The following ERN1 variants were observed in gnomAD, a reference collection of about 807,000 sequenced individuals.
ERN1 encodes serine/threonine-protein kinase/endoribonuclease IRE1.
ERN1 carries 39 observed loss-of-function variants against 113.1 expected under a neutral mutation model. That is an observed-to-expected ratio of 0.34 (90% CI 0.27 to 0.45). The LOEUF (loss-of-function observed/expected upper bound fraction) is 0.45, where lower values mean the gene tolerates loss of function less well. ERN1 is among the 20% of genes least tolerant of loss of function. ERN1 has a pLI of 1.00. For synonymous variants in ERN1, 507 were observed against 515.9 expected (o/e 0.98, Z 0.23); for missense variants, 976 against 1,274.8 (o/e 0.77, Z 3.57).
At chr17:64,107,726 T>C (rs1914568055) in intron 1 of ERN1, among the ~76,000 whole-genome samples, 2 of 152,260 alleles carry the variant, frequency 1.3e-5, no homozygotes, top group African/African-American at 4.8e-5. Context: ...TACAGCCACC[T>C]GAACAGTGAG....
At chr17:64,124,612 C>A (rs1372513643) in intron 1 of ERN1, among the ~76,000 whole-genome samples, 1 of 152,204 alleles carries the variant, frequency 6.6e-6, no homozygotes, top group Non-Finnish European at 1.5e-5. Flanking sequence ...CTCCTCCTTA[C>A]CTTTTTTCAT....
chr17:64,090,492 A>T (rs1914058143), intron 2 of ERN1, among the ~76,000 whole-genome samples: 1 of 152,228 alleles, frequency 6.6e-6, no homozygotes, highest in African/African-American at 2.4e-5. Context: ...GCCTCTCAGG[A>T]TGTCATAACT....
intron 10 of ERN1, among the ~76,000 whole-genome samples, chr17:64,062,245 G>A (rs187841807): frequency 2.6e-4 from 40 of 152,388 alleles, no homozygotes; most frequent in Admixed American, 1.2e-3. Flanking sequence ...CCCAAGGTCA[G>A]GGCCATGGCT....
chr17:64,114,115 A>C (rs1192541057), intron 1 of ERN1, among the ~76,000 whole-genome samples: 2 of 151,860 alleles, frequency 1.3e-5, no homozygotes, highest in African/African-American at 4.8e-5. Flanking sequence ...TTGAGTCAAC[A>C]TAAGTAAAGC....
At chr17:64,129,180 T>C (rs932941063) in intron 1 of ERN1, 6 of 152,018 alleles carry the variant, frequency 3.9e-5, no homozygotes, top group African/African-American at 7.3e-5. Context: ...GTTAAATGAA[T>C]GTAAACCAGG....
At chr17:64,129,707 G>C in intron 1 of ERN1, 1 of 378,450 alleles carries the variant, frequency 2.6e-6, no homozygotes, top group Middle Eastern at 6.9e-4. Context: ...GGGGTCCGGG[G>C]AGCCGCTGCC....
Position 64,040,169 on chromosome 17 carries a change from A to C in ERN1, c.*3819T>G, listed in dbSNP as rs980639974. On this transcript the variant is annotated 3_prime_UTR_variant, in exon 22 of 22. Coordinates refer to ENST00000433197, the MANE Select transcript of ERN1 (RefSeq NM_001433.5). ...AAAGAAACACTGGGAAATTCAAAGA[A>C]AGGCAATCTCAGACACTAAAAGAGC... The C allele has an allele frequency of 6.6e-5, 10 of 152,356 alleles. No individual in the cohort carries two copies. Among genetic ancestry groups the C allele is most frequent in the African/African-American group, 2.4e-4 (10 of 41,462 alleles). 9.4% of individuals were successfully genotyped at this position (152,356 alleles called of 1,614,324 possible).
Position 64,055,738 on chromosome 17 carries a change from G to C in ERN1, c.1609C>G (p.Leu537Val). ...STSPRASNHS[L>V]CSGSSASKAG... ...TTGGAGGCAGAGCTGCCGGAGCAGA[G>C]CGAGTGGTTGGAGGCCCTGGGGGAC... The change falls in exon 13 of 22, where the codon CTC (leucine) becomes GTC (valine). Residue 537 changes from leucine to valine, a missense_variant. Physicochemically the swap from Leu to Val is conservative, Grantham distance 32. This residue lies in a region of ERN1 where 112 missense variants were observed against 106.2 expected (regional missense o/e 1.05). Coordinates refer to ENST00000433197, the MANE Select transcript of ERN1 (RefSeq NM_001433.5). 1 of 1,612,144 alleles carries C rather than the reference G, an allele frequency of 6.2e-7. No homozygotes were observed. The highest frequency in any genetic ancestry group is 8.5e-7 in the Non-Finnish European group (1 of 1,179,322).
intron 1 of ERN1, among the ~76,000 whole-genome samples, chr17:64,108,638 C>A (rs1385835617): frequency 6.6e-6 from 1 of 152,130 alleles, no homozygotes; most frequent in Non-Finnish European, 1.5e-5. Context: ...TAAAGGGAAA[C>A]AGCATCAACT....
intron 19 of ERN1, among the ~76,000 whole-genome samples, 194 bp from the exon 20 acceptor site, chr17:64,045,676 A>C (rs558690769): frequency 1.7e-4 from 26 of 152,216 alleles, no homozygotes; most frequent in Non-Finnish European, 1.5e-5. Context: ...GCACAGGCCC[A>C]CAGAGAGCTT....
chr17:64,045,611 C>T, intron 19 of ERN1, 129 bp from the exon 20 acceptor site: 1 of 1,069,056 alleles, frequency 9.4e-7, no homozygotes, highest in Non-Finnish European at 1.4e-6. Flanking sequence ...AGGCACCCTG[C>T]CCCCTCCCTC....
intron 2 of ERN1, among the ~76,000 whole-genome samples, chr17:64,093,354 AC>A (rs1267444044): frequency 6.6e-6 from 1 of 152,062 alleles, no homozygotes; most frequent in Non-Finnish European, 1.5e-5. Context: ...AGTGCAGTAC[AC>A]CCCTGCCTGG....
At chr17:64,086,074 C>G (rs1230557213) in intron 2 of ERN1, among the ~76,000 whole-genome samples, 1 of 152,214 alleles carries the variant, frequency 6.6e-6, no homozygotes, top group African/African-American at 2.4e-5. Context: ...ACATCTAGAT[C>G]CTGTCTCCAA....
rs1474231462 is a variant in ERN1 at position 64,041,995 on chromosome 17, C to T, written c.*1993G>A. 6.6e-6 allele frequency: 1 copy of T among 152,216 alleles called. No homozygotes were observed. The highest frequency in any genetic ancestry group is 6.5e-5 in the Admixed American group (1 of 15,276). The allele number at this position is 152,216 out of a possible 1,614,324, so 9.4% of individuals were successfully genotyped here. A position where few individuals can be genotyped will look rare whatever the true frequency, so the allele number is the denominator to read the frequency against. ...TCACTAGAAATCACCTGGGTACTCCCAAAGAGAAAACCTGTGCTGAGAACG... is the reference window on the plus strand; with the variant it reads ...TCACTAGAAATCACCTGGGTACTCCTAAAGAGAAAACCTGTGCTGAGAACG... On this transcript the variant is annotated 3_prime_UTR_variant, in exon 22 of 22. Coordinates refer to ENST00000433197, the MANE Select transcript of ERN1 (RefSeq NM_001433.5).
chr17:64,043,885 GA>G lies in ERN1; in HGVS notation c.*102del. The G allele has an allele frequency of 1.2e-6, 1 of 810,190 alleles. No homozygotes were observed. Among genetic ancestry groups the G allele is most frequent in the Non-Finnish European group, 2.0e-6 (1 of 504,968 alleles). The allele number at this position is 810,190 out of a possible 1,614,324, so 50.2% of individuals were successfully genotyped here. A position where few individuals can be genotyped will look rare whatever the true frequency, so the allele number is the denominator to read the frequency against. On this transcript the variant is annotated 3_prime_UTR_variant, in exon 22 of 22. Transcript: ENST00000433197. ...AGGCAGCTCAAGGCACTTGGTTTGG[GA>G]AGCCTGGTCTCCCTGCAAAGCCGGG...
intron 1 of ERN1, among the ~76,000 whole-genome samples, chr17:64,106,733 C>G (rs986174867): frequency 1.4e-5 from 2 of 142,672 alleles, no homozygotes; most frequent in Non-Finnish European, 3.0e-5. Context: ...CACACACACA[C>G]ACACACACAC....
chr17:64,049,239 A>G lies in ERN1; in HGVS notation c.2254-37T>C. 6.5e-7 allele frequency: 1 copy of G among 1,538,356 alleles called. No homozygotes were observed. Among genetic ancestry groups the G allele is most frequent in the Non-Finnish European group, 8.8e-7 (1 of 1,131,828 alleles). On this transcript the variant is annotated intron_variant, in intron 17 of 21. Coordinates refer to ENST00000433197, the MANE Select transcript of ERN1 (RefSeq NM_001433.5). The surrounding 1 kb of genome is among the most constrained non-coding windows in gnomAD (Gnocchi z 4.7). ...CATGAGGCGTGAGAGGTCTGGGAGC[A>G]GAGTTTTCATCCTCACTCACAGTCA...
chr17:64,102,781 C>CAG, intron 1 of ERN1: 1 of 985,362 alleles, frequency 1.0e-6, no homozygotes, highest in Non-Finnish European at 1.2e-6. Context: ...TACCCTACGG[C>CAG]ACACACACTG....
intron 10 of ERN1, among the ~76,000 whole-genome samples, chr17:64,062,189 C>G (rs1388204632): frequency 6.6e-6 from 1 of 152,214 alleles, no homozygotes; most frequent in Non-Finnish European, 1.5e-5. Flanking sequence ...TCAGGCTCTC[C>G]CGGGCTTATA....
Sources: gnomAD v4.1 joint callset for allele counts (sites outside exome capture counted in the v4.1 genomes callset) on GRCh38, gnomAD v4.1.1 for gene constraint, gnomAD v4.1.1 regional missense constraint, Gnocchi (gnomAD v3.1) non-coding constraint, MANE v1.5 for transcripts, NCBI Gene and HGNC (gene_info 2026-07-23, HGNC 2026-07-21) for gene names.